TMEM41B: variants seen among roughly 807,000 people sequenced by gnomAD.
TMEM41B encodes the protein transmembrane protein 41B.
A neutral mutation model predicts 31.9 loss-of-function variants in TMEM41B; 18 were observed. The observed-to-expected ratio is 0.56, with a 90% CI of 0.39 to 0.84. TMEM41B has a LOEUF of 0.84. TMEM41B is among the 40% of genes least tolerant of loss of function. The pLI, the probability that TMEM41B is intolerant of heterozygous loss-of-function variation, is 0.00. For missense variants in TMEM41B, 322 were observed against 348.0 expected, an observed-to-expected ratio of 0.93 and a Z score of 0.59; for synonymous variants, 144 against 124.3, an observed-to-expected ratio of 1.16 and a Z score of -1.05.
chr11:9,311,437 C>T, intron 1 of TMEM41B: 1 of 1,396,084 alleles, frequency 7.2e-7, no homozygotes, highest in South Asian at 1.2e-5. Flanking sequence ...ATTCCAGGAG[C>T]AGACGGTGGG....
intron 2 of TMEM41B, among the ~76,000 whole-genome samples, chr11:9,295,650 T>A (rs1021956191): frequency 1.3e-5 from 2 of 152,062 alleles, no homozygotes; most frequent in African/African-American, 4.8e-5. Context: ...TTCTCCTGCC[T>A]CAGCCTTCTG....
intron 1 of TMEM41B, chr11:9,311,358 T>C: frequency 2.0e-6 from 3 of 1,493,092 alleles, no homozygotes; most frequent in Non-Finnish European, 2.8e-6. Flanking sequence ...CTTCATTTTC[T>C]TCTGTATCTT....
chr11:9,286,715 A>T (rs1852845290), intron 5 of TMEM41B, 122 bp from the exon 6 acceptor site: 7 of 1,063,130 alleles, frequency 6.6e-6, no homozygotes, highest in Non-Finnish European at 9.2e-6. Flanking sequence ...AATAGAAATG[A>T]TCAGGCTGGC....
chr11:9,295,670 G>A (rs1432220776), intron 2 of TMEM41B, among the ~76,000 whole-genome samples: 2 of 151,976 alleles, frequency 1.3e-5, no homozygotes, highest in African/African-American at 2.4e-5. Context: ...GAGAAGCTGG[G>A]ATCACAGGCG....
intron 2 of TMEM41B, 89 bp downstream of exon 2, chr11:9,299,495 T>C (rs1564964633): frequency 1.1e-6 from 1 of 883,966 alleles, no homozygotes. Flanking sequence ...AGTGTTGAGA[T>C]TACAGGCATC....
rs901859338 is a variant in TMEM41B, at chr11:9,292,637, C to G, written c.368+2622G>C. 3.3e-5 allele frequency among the ~76,000 whole-genome samples: 5 copies of G among 152,140 alleles called. 1 individual carries two copies. The highest frequency in any genetic ancestry group is 6.5e-5 in the Admixed American group (1 of 15,268). ...CCCAAGAGTTCCAGTTCGAGACCAG[C>G]CTGGGCAACATGATGAAATCCCATC... is the stretch of plus-strand genomic sequence containing the variant. On this transcript the variant is annotated intron_variant, in intron 3 of 6. Coordinates refer to ENST00000528080, the MANE Select transcript of TMEM41B (RefSeq NM_015012.4).
chr11:9,305,879 C>T (rs1479943529), intron 1 of TMEM41B, among the ~76,000 whole-genome samples: 1 of 151,586 alleles, frequency 6.6e-6, no homozygotes, highest in Admixed American at 6.6e-5. Context: ...TTTTATAGGT[C>T]TACATCTAAA....
At chr11:9,294,065 C>T (rs1313842688) in intron 3 of TMEM41B, among the ~76,000 whole-genome samples, 1 of 151,294 alleles carries the variant, frequency 6.6e-6, no homozygotes, top group Non-Finnish European at 1.5e-5. Context: ...CCTGTGGTTC[C>T]AGCTACTCGG....
At chr11:9,306,840 CTTCCT>C (rs1403631085) in intron 1 of TMEM41B, among the ~76,000 whole-genome samples, 1 of 152,174 alleles carries the variant, frequency 6.6e-6, no homozygotes, top group Non-Finnish European at 1.5e-5. Context: ...TTGATTTTAC[CTTCCT>C]TTAACTGCAA....
intron 5 of TMEM41B, among the ~76,000 whole-genome samples, chr11:9,287,297 TAA>T (rs1432641098): frequency 6.6e-6 from 1 of 151,826 alleles, no homozygotes; most frequent in Non-Finnish European, 1.5e-5. Flanking sequence ...GGTGACAGAG[TAA>T]GACTCCGTCT....
chr11:9,301,123 T>C (rs1161340124), intron 1 of TMEM41B, among the ~76,000 whole-genome samples: 1 of 151,916 alleles, frequency 6.6e-6, no homozygotes, highest in African/African-American at 2.4e-5. Context: ...TGGCCCGGCA[T>C]GATGGCCCAC....
chr11:9,288,102 G>A lies in TMEM41B; in HGVS notation c.463-296C>T, dbSNP rs868706209. Reference sequence around the variant, plus strand: ...CAGGAGCCAATTTCCACCTCCCCCCGACCCTACCCCCGACCCCCCCAGTTC... The same window carrying A: ...CAGGAGCCAATTTCCACCTCCCCCCAACCCTACCCCCGACCCCCCCAGTTC... On this transcript the variant is annotated intron_variant, in intron 4 of 6. Transcript: ENST00000528080. The A allele has an allele frequency of 3.6e-4, 125 of 344,598 alleles. 2 individuals are homozygous for A. In the Middle Eastern group the frequency reaches 5.4e-3, roughly 15 times the overall value. 21.3% of individuals were successfully genotyped at this position (344,598 alleles called of 1,614,324 possible). A position where few individuals can be genotyped will look rare whatever the true frequency, so the allele number is the denominator to read the frequency against.
chr11:9,312,903 C>CAAAGA (rs771692426), intron 1 of TMEM41B, among the ~76,000 whole-genome samples: 3 of 95,340 alleles, frequency 3.1e-5, no homozygotes, highest in Non-Finnish European at 6.4e-5. Context: ...GACTCCGTCT[C>CAAAGA]AAAAAAAAAA....
chr11:9,299,282 C>CAAA (rs1180036082), intron 2 of TMEM41B, among the ~76,000 whole-genome samples: 4,518 of 41,584 alleles, frequency 0.11, 932 homozygotes, highest in African/African-American at 0.28. Flanking sequence ...GACTCTGTCT[C>CAAA]AAAAAAAAAA....
intron 6 of TMEM41B, among the ~76,000 whole-genome samples, chr11:9,285,372 C>T (rs995731823): frequency 2.0e-5 from 3 of 152,054 alleles, no homozygotes; most frequent in African/African-American, 2.4e-5. Flanking sequence ...CGTGAACCAC[C>T]GCGCCCGGCT....
At chr11:9,299,442 C>T (rs768308024) in intron 2 of TMEM41B, 142 bp downstream of exon 2, 3 of 604,486 alleles carry the variant, frequency 5.0e-6, no homozygotes, top group Non-Finnish European at 8.9e-6. Context: ...AGGCTGGTCT[C>T]GCACTCCTGG....
In TMEM41B at chr11:9,281,986, ATTAAC is replaced by A. The variant is rs1284503437; in HGVS notation, c.*1433_*1437del. ...TGTTTTGCTGTCACTGTTTAAAATA[ATTAAC>A]TTAATGTCTAAAAACTACATACTCT... On this transcript the variant is annotated 3_prime_UTR_variant, in exon 7 of 7. Coordinates refer to ENST00000528080, the MANE Select transcript of TMEM41B (RefSeq NM_015012.4). The A allele has an allele frequency of 6.6e-6, 1 of 152,238 alleles. No homozygotes were observed. The highest frequency in any genetic ancestry group is 6.5e-5 in the Admixed American group (1 of 15,276). The allele number at this position is 152,238 out of a possible 1,614,324, so 9.4% of individuals were successfully genotyped here. A position where few individuals can be genotyped will look rare whatever the true frequency, so the allele number is the denominator to read the frequency against.
intron 1 of TMEM41B, among the ~76,000 whole-genome samples, chr11:9,303,650 C>CTTTT (rs71062827): frequency 5.4e-4 from 57 of 104,746 alleles, no homozygotes; most frequent in Non-Finnish European, 6.1e-4. Context: ...TATTCTTTTT[C>CTTTT]TTTTTTTTTT....
intron 3 of TMEM41B, among the ~76,000 whole-genome samples, chr11:9,294,763 T>C (rs1004205734): frequency 6.6e-6 from 1 of 151,988 alleles, no homozygotes; most frequent in Admixed American, 6.6e-5. Context: ...TTCATTCCTT[T>C]GAATAAGTAT....
Sources: gnomAD v4.1 joint callset for allele counts (sites outside exome capture counted in the v4.1 genomes callset) on GRCh38, gnomAD v4.1.1 for gene constraint, MANE v1.5 for transcripts, NCBI Gene and HGNC (gene_info 2026-07-23, HGNC 2026-07-21) for gene names.